Variants in PLXND1 observed in about 807,000 individuals in gnomAD.
PLXND1 encodes the protein plexin D1.
In PLXND1, 54 loss-of-function variants were observed where a neutral mutation model predicts 197.7. That is an observed-to-expected ratio of 0.27 (90% CI 0.22 to 0.34). The LOEUF is 0.34. Ranked by LOEUF, PLXND1 falls within the 10% of genes least tolerant of loss-of-function variation. PLXND1 has a pLI of 1.00. For missense variants in PLXND1, 2,127 were observed against 2,699.2 expected (o/e 0.79, Z 4.70); for synonymous variants, 1,180 against 1,161.2 (o/e 1.02, Z -0.33).
At chr3:129,584,313 C>T in intron 6 of PLXND1, 72 bp downstream of exon 6, 1 of 1,597,374 alleles carries the variant, frequency 6.3e-7, no homozygotes, top group Non-Finnish European at 8.6e-7. Context: ...CCTCTGGCCC[C>T]CTGCCATCCC....
At position 129,570,812 on chromosome 3, in the gene PLXND1, C is replaced by A. The variant is rs140631068; in HGVS notation, c.3724G>T (p.Ala1242Ser). The change falls in exon 19 of 36, where the codon GCG becomes TCG. Residue 1242 changes from alanine to serine, a missense_variant. Ala to Ser is a moderately conservative substitution (Grantham distance 99). Transcript: ENST00000324093. ...GTGATGGGCAGCTGCCCCACGGCCG[C>A]GCCCAGGGACTCGTTGACCGAGCAG... Reference protein sequence around the residue: ...IHCSVNESLGAAVGQLPITIQ... With the variant: ...IHCSVNESLGSAVGQLPITIQ... 1.9e-6 allele frequency: 3 copies of A among 1,614,018 alleles called. No homozygotes were observed. The African/African-American group carries it at 4.0e-5, about 22-fold the overall frequency.
intron 1 of PLXND1, among the ~76,000 whole-genome samples, chr3:129,596,626 G>C (rs1455976120): frequency 2.0e-5 from 3 of 152,164 alleles, no homozygotes; most frequent in Non-Finnish European, 4.4e-5. Context: ...TTCCTCCCCT[G>C]AAGGGACTCC....
intron 1 of PLXND1, among the ~76,000 whole-genome samples, chr3:129,601,353 G>A (rs1031824120): frequency 6.6e-6 from 1 of 152,202 alleles, no homozygotes; most frequent in Non-Finnish European, 1.5e-5. Flanking sequence ...AGGGCAGAGG[G>A]CAAGTCCTGT....
At chr3:129,569,470 T>G (rs543492140) in intron 20 of PLXND1, 2 of 208,618 alleles carry the variant, frequency 9.6e-6, no homozygotes, top group Admixed American at 1.0e-4. Context: ...TATTACTTTA[T>G]TGACCATTAT....
intron 6 of PLXND1, 75 bp downstream of exon 6, chr3:129,584,309 GC>G: frequency 6.3e-7 from 1 of 1,593,524 alleles, no homozygotes; most frequent in Non-Finnish European, 8.6e-7. Context: ...GTGACCTCTG[GC>G]CCCCTGCCAT....
rs137960066 is a variant in PLXND1, at chr3:129,586,664, T to C, written c.1544A>G (p.Tyr515Cys). 385 of 1,589,514 alleles carry C rather than the reference T, an allele frequency of 2.4e-4. 2 individuals are homozygous for C. In the African/African-American group the frequency reaches 4.6e-3, roughly 19 times the overall value. ...VVSRRVVTVA[Y>C]GEPVHHVMQF... ...CATGACATGGTGCACGGGCTCCCCA[T>C]AGGCCACAGTCACCACCCGCCTGCT... The change falls in exon 3 of 36, where the codon TAT becomes TGT. Residue 515 changes from tyrosine (Y) to cysteine (C), a missense_variant. By Grantham distance (194) the Tyr-to-Cys change is radical. Around this residue, in one of 6 missense-constraint regions of PLXND1, gnomAD observed 1,095 missense variants for 1,259.8 expected, o/e 0.87. Coordinates refer to ENST00000324093, the MANE Select transcript of PLXND1 (RefSeq NM_015103.3).
At chr3:129,604,176 T>C (rs1872114) in intron 1 of PLXND1, among the ~76,000 whole-genome samples, 151,906 of 152,212 alleles carry the variant, frequency 1, 75,800 homozygotes, top group Middle Eastern at 1. Flanking sequence ...GCCCCATGCC[T>C]GCCTGTACTC....
chr3:129,597,715 G>A (rs2085648581), intron 1 of PLXND1, among the ~76,000 whole-genome samples: 1 of 152,254 alleles, frequency 6.6e-6, no homozygotes, highest in Non-Finnish European at 1.5e-5. Context: ...CAGGGCCCCT[G>A]CCACTGGATG....
rs562798658 is a variant in PLXND1, at chr3:129,605,265, G to GCCCGCCCCCGCC, written c.1311+52_1311+63dup. The GCCCGCCCCCGCC allele has an allele frequency of 3.0e-5, 8 of 266,784 alleles. No homozygotes were observed. In the Admixed American group the frequency reaches 5.1e-4, roughly 17 times the overall value. 16.5% of individuals were successfully genotyped at this position (266,784 alleles called of 1,614,324 possible). A position where few individuals can be genotyped will look rare whatever the true frequency, so the allele number is the denominator to read the frequency against. On this transcript the variant is annotated intron_variant, in intron 1 of 35. Transcript: ENST00000324093. ...TCAGCTCACGACCCGCTCGGTTCCC[G>GCCCGCCCCCGCC]CCCGCCCCCGCCCCCGCCCCCGCCG...
At chr3:129,556,542 G>A (rs2084976116) in intron 35 of PLXND1, 75 bp downstream of exon 35, 2 of 1,343,304 alleles carry the variant, frequency 1.5e-6, no homozygotes, top group East Asian at 2.3e-5. Context: ...TTAGGGGCAA[G>A]CACCCTGAGA....
At chr3:129,600,718 C>T (rs2085694896) in intron 1 of PLXND1, among the ~76,000 whole-genome samples, 1 of 151,664 alleles carries the variant, frequency 6.6e-6, no homozygotes, top group South Asian at 2.1e-4. Flanking sequence ...TCTGCTTGCA[C>T]CCTTCGTCAC....
At chr3:129,602,232 G>T (rs2085719058) in intron 1 of PLXND1, among the ~76,000 whole-genome samples, 2 of 152,162 alleles carry the variant, frequency 1.3e-5, no homozygotes, top group Admixed American at 6.5e-5. Flanking sequence ...AACCCTTCAT[G>T]GCTCCCAGGA....
intron 2 of PLXND1, among the ~76,000 whole-genome samples, chr3:129,588,368 G>A (rs1335744763): frequency 5.9e-5 from 9 of 152,136 alleles, no homozygotes; most frequent in African/African-American, 1.9e-4. Context: ...GGGGGTGGGG[G>A]AGGGGCCTGG....
In PLXND1 at chr3:129,586,021, G is replaced by A. The variant is rs368412151; in HGVS notation, c.1782C>T (p.Ser594=). ...TGGCAGGACAGCGGCTGGGGCCCTC[G>A]CTGGCACTGGTCCAGAAATGCTGCT... ...SSQQHFWTSA[S]EGPSRCPAMT... The change falls in exon 5 of 36, where the codon AGC becomes AGT. Residue 594 remains serine (S), a synonymous_variant. Coordinates refer to ENST00000324093, the MANE Select transcript of PLXND1 (RefSeq NM_015103.3). 50 of 1,613,862 alleles carry A rather than the reference G, an allele frequency of 3.1e-5. No homozygotes were observed. The highest frequency in any genetic ancestry group is 2.3e-4 in the African/African-American group (17 of 74,936).
chr3:129,594,055 C>T (rs1465414905), intron 1 of PLXND1, among the ~76,000 whole-genome samples: 1 of 152,240 alleles, frequency 6.6e-6, no homozygotes, highest in Non-Finnish European at 1.5e-5. Context: ...GCCTCACATC[C>T]TGCCGCAGAC....
chr3:129,584,683 G>T (rs939021523), intron 5 of PLXND1, 121 bp from the exon 6 acceptor site: 2 of 926,900 alleles, frequency 2.2e-6, no homozygotes, highest in African/African-American at 1.7e-5. Flanking sequence ...AAGGGGTAGT[G>T]GTGGCCAGGA....
At chr3:129,591,644 C>T (rs1321756976) in intron 1 of PLXND1, 4 of 152,160 alleles carry the variant, frequency 2.6e-5, no homozygotes, top group Non-Finnish European at 5.9e-5. Flanking sequence ...ATGACTGCTG[C>T]TTATGTTATT....
chr3:129,589,433 G>A lies in PLXND1; in HGVS notation c.1406C>T (p.Pro469Leu), dbSNP rs146072632. 1.5e-3 allele frequency: 2,478 copies of A among 1,611,228 alleles called. 3 individuals are homozygous for A. The highest frequency in any genetic ancestry group is 1.9e-3 in the Non-Finnish European group (2,279 of 1,179,336). ...PLKATPVFRAPGLTSVAVASV... is the reference protein window; with the variant it reads ...PLKATPVFRALGLTSVAVASV... ...GGCCACGGCCACGGAGGTGAGGCCC[G>A]GGGCGCGGAACACGGGCGTGGCCTT... Residue 469 changes from proline (P) to leucine (L), a missense_variant, in exon 2 of 36, where the codon CCG (proline) becomes CTG (leucine). Transcript: ENST00000324093.
At chr3:129,605,125 C>A (rs1456659269) in intron 1 of PLXND1, among the ~76,000 whole-genome samples, 1 of 152,232 alleles carries the variant, frequency 6.6e-6, no homozygotes, top group African/African-American at 2.4e-5. Flanking sequence ...CCTGCACATG[C>A]CCACCTGGGC....
Sources: gnomAD v4.1 joint callset for allele counts (sites outside exome capture counted in the v4.1 genomes callset) on GRCh38, gnomAD v4.1.1 for gene constraint, gnomAD v4.1.1 regional missense constraint, MANE v1.5 for transcripts, NCBI Gene and HGNC (gene_info 2026-07-23, HGNC 2026-07-21) for gene names.